The following NIM1K variants were observed in gnomAD, a reference collection of about 807,000 sequenced individuals.
NIM1K encodes the protein NIM1 serine/threonine protein kinase, also known as serine/threonine-protein kinase NIM1.
In NIM1K, 35 loss-of-function variants were observed where a neutral mutation model predicts 37.1. The observed-to-expected ratio is 0.94, with a 90% CI of 0.72 to 1.25. NIM1K has a LOEUF of 1.25. NIM1K is among the 50% of genes most tolerant of loss of function. NIM1K has a pLI of 0.00. For missense variants in NIM1K, 564 were observed against 548.0 expected (o/e 1.03, Z -0.29); for synonymous variants, 234 against 206.6 (o/e 1.13, Z -1.14).
intron 2 of NIM1K, among the ~76,000 whole-genome samples, chr5:43,272,191 C>A (rs979958419): frequency 2.6e-5 from 4 of 152,144 alleles, no homozygotes; most frequent in African/African-American, 9.7e-5. Context: ...TAGACCATAA[C>A]CCTAATGTTT....
chr5:43,196,299 A>T (rs1242758191), intron 1 of NIM1K, among the ~76,000 whole-genome samples: 2 of 152,164 alleles, frequency 1.3e-5, no homozygotes, highest in Non-Finnish European at 2.9e-5. Context: ...TGTTATCATC[A>T]CAATGCATTC....
At chr5:43,204,137 T>C (rs1752075215) in intron 1 of NIM1K, among the ~76,000 whole-genome samples, 1 of 115,964 alleles carries the variant, frequency 8.6e-6, no homozygotes, top group South Asian at 3.2e-4. Flanking sequence ...CAGGCTGGAG[T>C]GCAGTGGCTC....
intron 2 of NIM1K, among the ~76,000 whole-genome samples, chr5:43,249,848 T>TA: frequency 7.3e-6 from 1 of 137,342 alleles, no homozygotes; most frequent in Non-Finnish European, 1.6e-5. Context: ...ATGTATGGAT[T>TA]AGTTTTTTTT....
intron 2 of NIM1K, among the ~76,000 whole-genome samples, chr5:43,263,825 T>C (rs563192273): frequency 6.6e-6 from 1 of 152,246 alleles, no homozygotes; most frequent in Non-Finnish European, 1.5e-5. Context: ...GTTGTGTCTG[T>C]GTTCTTATTG....
intron 1 of NIM1K, among the ~76,000 whole-genome samples, chr5:43,201,316 G>C (rs923562604): frequency 6.6e-6 from 1 of 151,854 alleles, no homozygotes; most frequent in Non-Finnish European, 1.5e-5. Context: ...GGCTGAGGCA[G>C]GAGAATGGCG....
chr5:43,258,586 G>A lies in NIM1K; in HGVS notation c.292+12519G>A, dbSNP rs138911841. On this transcript the variant is annotated intron_variant, in intron 2 of 3. Transcript: ENST00000326035. Reference sequence around the variant, plus strand: ...CCTCTGGAGTAGCTGGAACCACAGGGGCATGCCATCATGCCTGGCTAATTT... The same window carrying A: ...CCTCTGGAGTAGCTGGAACCACAGGAGCATGCCATCATGCCTGGCTAATTT... Among the ~76,000 whole-genome samples the A allele has an allele frequency of 8.2e-4, 125 of 151,842 alleles. 1 individual carries two copies. Among genetic ancestry groups the A allele is most frequent in the African/African-American group, 2.9e-3 (120 of 41,416 alleles).
At chr5:43,217,127 C>G (rs1752311094) in intron 1 of NIM1K, among the ~76,000 whole-genome samples, 1 of 152,140 alleles carries the variant, frequency 6.6e-6, no homozygotes, top group South Asian at 2.1e-4. Flanking sequence ...GCCAGCTTTA[C>G]CAATCTCTCC....
chr5:43,196,876 A>G, intron 1 of NIM1K, among the ~76,000 whole-genome samples: 1 of 150,484 alleles, frequency 6.6e-6, no homozygotes, highest in East Asian at 2.0e-4. Flanking sequence ...GAGTTCAAGC[A>G]ATCCTTCCCC....
intron 3 of NIM1K, among the ~76,000 whole-genome samples, chr5:43,278,337 G>A (rs144002996): frequency 1.2e-3 from 188 of 152,306 alleles, no homozygotes; most frequent in Non-Finnish European, 2.3e-3. Context: ...GAGCCACCGT[G>A]CCTGGCCGCT....
rs1275453716 is a variant in NIM1K at position 43,280,661 on chromosome 5, G to T, written c.1243G>T (p.Asp415Tyr). ...GATGCTACCAGACCCTAAAGAAAGA[G>T]ACCTCAAAAAAGGGTCCCGTGTCTA... ...VMMLPDPKER[D>Y]LKKGSRVYRG... The change falls in exon 4 of 4, where the codon GAC becomes TAC. Residue 415 changes from aspartate to tyrosine, a missense_variant. Asp to Tyr is a radical substitution (Grantham distance 160). Coordinates refer to ENST00000326035, the MANE Select transcript of NIM1K (RefSeq NM_153361.4). The T allele has an allele frequency of 2.5e-6, 4 of 1,612,434 alleles. No homozygotes were observed. Among genetic ancestry groups the T allele is most frequent in the Middle Eastern group, 1.6e-4 (1 of 6,076 alleles).
At chr5:43,220,484 T>A (rs1054707474) in intron 1 of NIM1K, among the ~76,000 whole-genome samples, 1 of 152,158 alleles carries the variant, frequency 6.6e-6, no homozygotes, top group East Asian at 1.9e-4. Context: ...CAGAGTTTCA[T>A]TGGCCAGGCT....
In NIM1K at chr5:43,260,450, T is replaced by C. The variant is rs557064113; in HGVS notation, c.292+14383T>C. Among the ~76,000 whole-genome samples the C allele has an allele frequency of 5.9e-5, 9 of 152,366 alleles. No individual in the cohort carries two copies. The South Asian group carries it at 1.7e-3, about 28-fold the overall frequency. ...GTTTTTGTCATAAAGCAATGCTGGG[T>C]TTTGTCATGACATTGTTTTTGTCAT... On this transcript the variant is annotated intron_variant, in intron 2 of 3. Transcript: ENST00000326035.
chr5:43,201,116 C>A (rs1459581640), intron 1 of NIM1K, among the ~76,000 whole-genome samples: 4 of 124,608 alleles, frequency 3.2e-5, no homozygotes, highest in Admixed American at 9.4e-5. Flanking sequence ...CAGAGCCAGA[C>A]AACATCTCAA....
At chr5:43,213,217 C>CT (rs1294118303) in intron 1 of NIM1K, among the ~76,000 whole-genome samples, 1 of 45,266 alleles carries the variant, frequency 2.2e-5, no homozygotes, top group African/African-American at 7.5e-5. Context: ...TTCTTTCTTT[C>CT]TTTCTTTCCT....
At chr5:43,276,906 T>C (rs1753349803) in intron 2 of NIM1K, 151 bp from the exon 3 acceptor site, 1 of 767,034 alleles carries the variant, frequency 1.3e-6, no homozygotes, top group South Asian at 1.7e-5. Flanking sequence ...ATGCTGGGCT[T>C]AAGCATTGCT....
intron 2 of NIM1K, among the ~76,000 whole-genome samples, chr5:43,270,637 C>T (rs191689684): frequency 1.5e-3 from 226 of 152,220 alleles, no homozygotes; most frequent in African/African-American, 5.2e-3. Context: ...GTCTGCCAGG[C>T]GCTTTAAAGG....
At chr5:43,199,174 G>A (rs1320651957) in intron 1 of NIM1K, among the ~76,000 whole-genome samples, 7 of 95,988 alleles carry the variant, frequency 7.3e-5, no homozygotes, top group South Asian at 4.0e-4. Context: ...GGCAACAAGA[G>A]TGAAGCTCTG....
chr5:43,273,386 G>A (rs1365833089), intron 2 of NIM1K, among the ~76,000 whole-genome samples: 1 of 151,920 alleles, frequency 6.6e-6, no homozygotes, highest in Non-Finnish European at 1.5e-5. Flanking sequence ...TGTATTTATA[G>A]TAGAGACGGG....
rs1262859378 is a variant in NIM1K at position 43,231,714 on chromosome 5, A to G, written c.-694-13368A>G. 19 of 677,146 alleles carry G rather than the reference A, an allele frequency of 2.8e-5. No individual in the cohort carries two copies. The African/African-American group carries it at 2.9e-4, about 10-fold the overall frequency. 41.9% of individuals were successfully genotyped at this position (677,146 alleles called of 1,614,324 possible). On this transcript the variant is annotated intron_variant, in intron 1 of 3. Coordinates refer to ENST00000326035, the MANE Select transcript of NIM1K (RefSeq NM_153361.4). Reference sequence around the variant, plus strand: ...TCAGTAGTTGTATATTAGAGCATACACTGCTACATAAAAATTAACTGATCA... The same window carrying G: ...TCAGTAGTTGTATATTAGAGCATACGCTGCTACATAAAAATTAACTGATCA...
Sources: allele counts gnomAD v4.1 joint callset (sites outside exome capture counted in the v4.1 genomes callset), GRCh38; gene constraint gnomAD v4.1.1; transcripts MANE v1.5; gene names NCBI Gene and HGNC (gene_info 2026-07-23, HGNC 2026-07-21).